Variants in NEDD4L observed in about 807,000 individuals in gnomAD.
NEDD4L encodes NEDD4 like E3 ubiquitin protein ligase, also known as E3 ubiquitin-protein ligase NEDD4-like.
A neutral mutation model predicts 148.9 loss-of-function variants in NEDD4L; 54 were observed. The ratio of observed to expected loss-of-function variants is 0.36; its 90% CI spans 0.29 to 0.45. The LOEUF (loss-of-function observed/expected upper bound fraction) is 0.45. NEDD4L is among the 20% of genes least tolerant of loss of function. The pLI, the probability that NEDD4L is intolerant of heterozygous loss-of-function variation, is 1.00. For missense variants in NEDD4L, 856 were observed against 1,233.8 expected (o/e 0.69, Z 4.59); for synonymous variants, 433 against 440.7 (o/e 0.98, Z 0.22).
At chr18:58,296,782 C>A (rs893326116) in intron 5 of NEDD4L, among the ~76,000 whole-genome samples, 1 of 152,134 alleles carries the variant, frequency 6.6e-6, no homozygotes, top group Non-Finnish European at 1.5e-5. Context: ...ATTAGCCGGG[C>A]GTGGTGGTAC....
intron 9 of NEDD4L, among the ~76,000 whole-genome samples, chr18:58,327,039 G>C (rs192942236): frequency 2.1e-4 from 32 of 152,264 alleles, no homozygotes; most frequent in African/African-American, 7.5e-4. Flanking sequence ...CAGTGTCCCA[G>C]AAACTAAAAC....
intron 1 of NEDD4L, among the ~76,000 whole-genome samples, chr18:58,100,238 A>G (rs2084673501): frequency 6.6e-6 from 1 of 152,158 alleles, no homozygotes; most frequent in Non-Finnish European, 1.5e-5. Flanking sequence ...TCCTTGGGCT[A>G]TCAGTCATTA....
chr18:58,110,805 T>C (rs2085372213), intron 1 of NEDD4L, among the ~76,000 whole-genome samples: 1 of 152,244 alleles, frequency 6.6e-6, no homozygotes, highest in Non-Finnish European at 1.5e-5. Context: ...TTACCCTTTT[T>C]CAGTATATGC....
rs761900790 is a variant in NEDD4L, at chr18:58,400,586, CTGT to C, written c.*4322_*4324del. 5.3e-5 allele frequency: 8 copies of C among 152,224 alleles called. No individual in the cohort carries two copies. The highest frequency in any genetic ancestry group is 1.0e-4 in the Non-Finnish European group (7 of 68,046). The allele number at this position is 152,224 out of a possible 1,614,324, so 9.4% of individuals were successfully genotyped here. ...TTTCCAAGCAAACCTCATTAAACAT[CTGT>C]TGTTTGTTAAAGATGTTCCACTGAA... On this transcript the variant is annotated 3_prime_UTR_variant, in exon 31 of 31. Coordinates refer to ENST00000400345, the MANE Select transcript of NEDD4L (RefSeq NM_001144967.3).
At chr18:58,053,554 CT>C (rs1449235692) in intron 1 of NEDD4L, among the ~76,000 whole-genome samples, 1 of 152,176 alleles carries the variant, frequency 6.6e-6, no homozygotes, top group African/African-American at 2.4e-5. Flanking sequence ...TGTGATCCAC[CT>C]GCCTCGGCCT....
At chr18:58,380,392 C>T (rs912631559) in intron 24 of NEDD4L, among the ~76,000 whole-genome samples, 1 of 151,622 alleles carries the variant, frequency 6.6e-6, no homozygotes, top group African/African-American at 2.4e-5. Context: ...GATCTCGGCT[C>T]AGTGCAACCT....
intron 2 of NEDD4L, among the ~76,000 whole-genome samples, chr18:58,219,929 T>C (rs1170468875): frequency 6.6e-6 from 1 of 152,214 alleles, no homozygotes; most frequent in Non-Finnish European, 1.5e-5. Flanking sequence ...TTTCTTATAG[T>C]GTATTGTGGT....
intron 1 of NEDD4L, among the ~76,000 whole-genome samples, chr18:58,112,394 T>G (rs942799458): frequency 7.1e-6 from 1 of 139,986 alleles, no homozygotes; most frequent in African/African-American, 2.8e-5. Context: ...ATTTATTTAT[T>G]TATTTATTTA....
At chr18:58,139,815 G>GGGGT (rs2033293445) in intron 1 of NEDD4L, among the ~76,000 whole-genome samples, 1 of 152,168 alleles carries the variant, frequency 6.6e-6, no homozygotes, top group Non-Finnish European at 1.5e-5. Context: ...CCCCCTAAAA[G>GGGGT]GGGAGGGTGG....
chr18:58,389,068 G>C lies in NEDD4L; in HGVS notation c.2548-17G>C. 1 of 1,604,700 alleles carries C rather than the reference G, an allele frequency of 6.2e-7. No homozygotes were observed. Among genetic ancestry groups the C allele is most frequent in the Non-Finnish European group, 8.5e-7 (1 of 1,171,694 alleles). ...CTTTCACATCCTGCTTTTACATCTG[G>C]TAAATTTTCTTCCTAGTTGCTCATG... is the stretch of plus-strand genomic sequence containing the variant. On this transcript the variant is annotated splice_polypyrimidine_tract_variant and intron_variant, in intron 27 of 30. Coordinates refer to ENST00000400345, the MANE Select transcript of NEDD4L (RefSeq NM_001144967.3).
At chr18:58,354,290 T>A (rs952472987) in intron 18 of NEDD4L, among the ~76,000 whole-genome samples, 5 of 152,236 alleles carry the variant, frequency 3.3e-5, no homozygotes, top group Non-Finnish European at 7.3e-5. Context: ...TCCAGTGATT[T>A]TGTAAAGTCC....
chr18:58,196,773 A>G (rs2040760206), intron 2 of NEDD4L, among the ~76,000 whole-genome samples: 1 of 137,584 alleles, frequency 7.3e-6, no homozygotes, highest in Non-Finnish European at 1.5e-5. Flanking sequence ...CGGTAAACAT[A>G]TAACTTGAGG....
chr18:58,277,764 A>G (rs1346290653), intron 5 of NEDD4L, among the ~76,000 whole-genome samples: 3 of 152,162 alleles, frequency 2.0e-5, no homozygotes, highest in Non-Finnish European at 4.4e-5. Context: ...AATAGCCTGT[A>G]TGTTTTACAT....
At chr18:58,373,624 G>A (rs2047178698) in intron 24 of NEDD4L, among the ~76,000 whole-genome samples, 1 of 152,206 alleles carries the variant, frequency 6.6e-6, no homozygotes, top group Non-Finnish European at 1.5e-5. Flanking sequence ...ACATGACCAG[G>A]AGTGGGTGAT....
intron 1 of NEDD4L, among the ~76,000 whole-genome samples, chr18:58,048,318 A>G (rs1235662212): frequency 6.6e-6 from 1 of 152,202 alleles, no homozygotes; most frequent in Non-Finnish European, 1.5e-5. Context: ...AACTTTTGGC[A>G]TGGATCCTGT....
chr18:58,362,228 A>G (rs1024598492), intron 19 of NEDD4L, among the ~76,000 whole-genome samples: 2 of 152,232 alleles, frequency 1.3e-5, no homozygotes, highest in African/African-American at 4.8e-5. Flanking sequence ...TTTGTCATTT[A>G]AGACAGTCGA....
At chr18:58,090,316 C>T (rs2084004084) in intron 1 of NEDD4L, among the ~76,000 whole-genome samples, 1 of 152,136 alleles carries the variant, frequency 6.6e-6, no homozygotes, top group Admixed American at 6.5e-5. Flanking sequence ...TTAACATGTG[C>T]CTTTGGGGGA....
At chr18:58,221,448 A>C in intron 2 of NEDD4L, 1 of 562,362 alleles carries the variant, frequency 1.8e-6, no homozygotes, top group Non-Finnish European at 2.3e-6. Flanking sequence ...GGGTGGAGCT[A>C]CTTAACCTTA....
chr18:58,368,623 A>G (rs2046416644), intron 22 of NEDD4L, among the ~76,000 whole-genome samples: 1 of 152,228 alleles, frequency 6.6e-6, no homozygotes, highest in Non-Finnish European at 1.5e-5. Context: ...GATATTTCCA[A>G]GGGAACTGTG....
Sources: gnomAD v4.1 joint callset for allele counts (sites outside exome capture counted in the v4.1 genomes callset) on GRCh38, gnomAD v4.1.1 for gene constraint, MANE v1.5 for transcripts, NCBI Gene and HGNC (gene_info 2026-07-23, HGNC 2026-07-21) for gene names.